FBN1: variants seen among roughly 807,000 people sequenced by gnomAD.
FBN1 encodes the protein fibrillin-1.
Under a neutral mutation model 365.1 loss-of-function variants are expected in FBN1, and 29 were observed. The ratio of observed to expected loss-of-function variants is 0.08; its 90% confidence interval spans 0.06 to 0.11. The LOEUF (loss-of-function observed/expected upper bound fraction) is 0.11. FBN1 is among the 10% of genes least tolerant of loss of function. The pLI, the probability that FBN1 is intolerant of heterozygous loss-of-function variation, is 1.00. For missense variants in FBN1, 2,476 were observed against 3,703.2 expected (o/e 0.67, Z 8.60); for synonymous variants, 1,210 against 1,270.5 (o/e 0.95, Z 1.01).
chr15:48,585,467 C>T (rs2044428688), intron 6 of FBN1, among the ~76,000 whole-genome samples: 1 of 152,106 alleles, frequency 6.6e-6, no homozygotes, highest in Admixed American at 6.6e-5. Flanking sequence ...CTAATATTTC[C>T]ATATAACATA....
intron 6 of FBN1, among the ~76,000 whole-genome samples, chr15:48,551,825 C>T (rs1461433067): frequency 1.3e-5 from 2 of 152,154 alleles, no homozygotes; most frequent in South Asian, 2.1e-4. Flanking sequence ...TAGCTCTATC[C>T]ATGTCCTTGC....
rs1323377597 is a variant in FBN1, at chr15:48,431,121, A to G, written c.6740-319T>C. Among the ~76,000 whole-genome samples the G allele has an allele frequency of 2.6e-5, 4 of 151,866 alleles. No individual in the cohort carries two copies. The South Asian group carries it at 6.2e-4, about 24-fold the overall frequency. ...ATTTTTATTTATTTATGTTTTTGAA[A>G]GAGTCTCTCTCTGTTGCCCAGGCTG... On this transcript the variant is annotated intron_variant, in intron 55 of 65. Coordinates refer to ENST00000316623, the MANE Select transcript of FBN1 (RefSeq NM_000138.5).
intron 22 of FBN1, among the ~76,000 whole-genome samples, chr15:48,494,784 G>A (rs1224286793): frequency 4.6e-5 from 7 of 152,078 alleles, no homozygotes; most frequent in African/African-American, 1.2e-4. Flanking sequence ...CATGAATACC[G>A]GTTTCTTTAC....
At chr15:48,469,011 T>A (rs2043345604) in intron 36 of FBN1, among the ~76,000 whole-genome samples, 1 of 137,214 alleles carries the variant, frequency 7.3e-6, no homozygotes, top group East Asian at 2.2e-4. Context: ...GAGCTTGCAG[T>A]GAGCCAAGAT....
At chr15:48,562,685 G>T (rs1417460515) in intron 6 of FBN1, among the ~76,000 whole-genome samples, 1 of 152,192 alleles carries the variant, frequency 6.6e-6, no homozygotes, top group East Asian at 1.9e-4. Context: ...TCAAACACCA[G>T]CATGCCAACT....
At chr15:48,567,121 A>G (rs1164602038) in intron 6 of FBN1, among the ~76,000 whole-genome samples, 1 of 152,226 alleles carries the variant, frequency 6.6e-6, no homozygotes, top group Non-Finnish European at 1.5e-5. Flanking sequence ...ACACCAGACT[A>G]AAAGCTGGTT....
chr15:48,578,122 C>T (rs2044363686), intron 6 of FBN1, among the ~76,000 whole-genome samples: 1 of 151,938 alleles, frequency 6.6e-6, no homozygotes, highest in South Asian at 2.1e-4. Context: ...GCTACTGGTT[C>T]GTGTATTTGA....
chr15:48,527,349 C>T (rs558114482), intron 8 of FBN1, among the ~76,000 whole-genome samples: 15 of 152,246 alleles, frequency 9.9e-5, no homozygotes, highest in African/African-American at 3.1e-4. Flanking sequence ...TCAACAGATA[C>T]GGCACCAGCA....
chr15:48,468,281 TA>T lies in FBN1; in HGVS notation c.4582+130del, dbSNP rs1284745356. 4.4e-5 allele frequency: 61 copies of T among 1,374,032 alleles called. No individual in the cohort carries two copies. In the Middle Eastern group the frequency reaches 5.9e-4, roughly 13 times the overall value. 85.1% of individuals were successfully genotyped at this position (1,374,032 alleles called of 1,614,324 possible). On this transcript the variant is annotated intron_variant, in intron 37 of 65. Coordinates refer to ENST00000316623, the MANE Select transcript of FBN1 (RefSeq NM_000138.5). ...TCCCTATGGAAAAGATATCTGAATC[TA>T]AAGTAGAGTTAGGAAATGTTTAAAT...
rs369804460 is a variant in FBN1, at chr15:48,414,618, C to T, written c.8051+918G>A. Among the ~76,000 whole-genome samples the T allele has an allele frequency of 3.4e-4, 51 of 152,236 alleles. No homozygotes were observed. In the East Asian group the frequency reaches 8.1e-3, roughly 24 times the overall value. On this transcript the variant is annotated intron_variant, in intron 64 of 65. Coordinates refer to ENST00000316623, the MANE Select transcript of FBN1 (RefSeq NM_000138.5). ...TAAAATAAAAATAGGCCTTCCCGGCCGGGTACAGTGGCTCTCGCCTGTAAT... is the reference window on the plus strand; with the variant it reads ...TAAAATAAAAATAGGCCTTCCCGGCTGGGTACAGTGGCTCTCGCCTGTAAT...
At chr15:48,460,367 A>G in intron 42 of FBN1, 50 bp from the exon 43 acceptor site, 2 of 1,143,150 alleles carry the variant, frequency 1.7e-6, no homozygotes, top group South Asian at 2.5e-5. Flanking sequence ...TCAGCAAAGA[A>G]CAATAATTGG....
intron 63 of FBN1, among the ~76,000 whole-genome samples, chr15:48,420,021 G>A (rs1277559624): frequency 2.0e-5 from 3 of 152,160 alleles, no homozygotes; most frequent in African/African-American, 7.2e-5. Context: ...AAAACAAAGT[G>A]CCTGAGCTAA....
chr15:48,463,825 GA>G (rs1473966241), intron 41 of FBN1, 73 bp downstream of exon 41: 2 of 1,492,056 alleles, frequency 1.3e-6, no homozygotes, highest in Non-Finnish European at 1.8e-6. Context: ...ACCCTAAGGT[GA>G]TGAACTTGTG....
At chr15:48,627,476 C>T (rs1156236208) in intron 2 of FBN1, among the ~76,000 whole-genome samples, 1 of 152,184 alleles carries the variant, frequency 6.6e-6, no homozygotes, top group Non-Finnish European at 1.5e-5. Context: ...CTACTCAGAG[C>T]TGGCATTGGA....
intron 53 of FBN1, 83 bp from the exon 54 acceptor site, chr15:48,434,796 T>TTTG (rs1460547512): frequency 1.8e-5 from 27 of 1,532,922 alleles, no homozygotes; most frequent in African/African-American, 6.8e-5. Flanking sequence ...AAACTGTAAT[T>TTTG]TTGTTGTTGT....
chr15:48,501,565 G>A (rs1207184374), intron 17 of FBN1, among the ~76,000 whole-genome samples: 1 of 152,182 alleles, frequency 6.6e-6, no homozygotes, highest in African/African-American at 2.4e-5. Flanking sequence ...AAGAAATCTG[G>A]TCTTTTGGTC....
At chr15:48,515,643 G>T (rs2043794899) in intron 11 of FBN1, 116 bp from the exon 12 acceptor site, 3 of 1,340,486 alleles carry the variant, frequency 2.2e-6, no homozygotes, top group Non-Finnish European at 2.1e-6. Flanking sequence ...ATACTCTTTG[G>T]GCAAAGGTCG....
At chr15:48,445,618 T>C (rs1244586993) in intron 47 of FBN1, 114 bp from the exon 48 acceptor site, 9 of 1,171,182 alleles carry the variant, frequency 7.7e-6, no homozygotes, top group Non-Finnish European at 1.1e-5. Context: ...TGGCCTTTGC[T>C]GGCTTAGCCA....
At chr15:48,521,980 A>C (rs1038851242) in intron 9 of FBN1, among the ~76,000 whole-genome samples, 2 of 152,004 alleles carry the variant, frequency 1.3e-5, no homozygotes, top group Non-Finnish European at 2.9e-5. Context: ...ATTTATAGCC[A>C]CTCCCCATTG....
Sources: gnomAD v4.1 joint callset for allele counts (sites outside exome capture counted in the v4.1 genomes callset) on GRCh38, gnomAD v4.1.1 for gene constraint, MANE v1.5 for transcripts, NCBI Gene and HGNC (gene_info 2026-07-23, HGNC 2026-07-21) for gene names.